Variants in BDP1 observed in about 807,000 individuals in gnomAD.
BDP1 encodes the protein transcription factor TFIIIB component B'' homolog.
A neutral mutation model predicts 266.6 loss-of-function variants in BDP1; 169 were observed. That is an observed-to-expected ratio of 0.63 (90% confidence interval 0.56 to 0.72). The LOEUF (loss-of-function observed/expected upper bound fraction) is 0.72, where lower values mean the gene tolerates loss of function less well. Among genes scored for constraint, BDP1 ranks in the 30% least tolerant of loss-of-function variants. BDP1 has a pLI of 0.00. For synonymous variants in BDP1, 1,090 were observed against 1,022.4 expected (o/e 1.07, Z -1.26); for missense variants, 3,015 against 3,053.8 (o/e 0.99, Z 0.30).
chr5:71,577,837 C>T, the BDP1 span, among the ~76,000 whole-genome samples: 8 of 152,122 alleles, frequency 5.3e-5, no homozygotes, highest in Admixed American at 1.3e-4. Flanking sequence ...TCTGTAAAAT[C>T]GGATGGACTG....
In BDP1 at chr5:71,518,835, C is replaced by CTTT. The variant is rs35834219; in HGVS notation, c.4991+1399_4991+1401dup. On this transcript the variant is annotated intron_variant, in intron 22 of 38. Coordinates refer to ENST00000358731, the MANE Select transcript of BDP1 (RefSeq NM_018429.3). Reference sequence around the variant, plus strand: ...GAAGTTTTTATTTTAGTATGGATTACTTTTTTTTTTTTTTTTTTGGAGACA... The same window carrying CTTT: ...GAAGTTTTTATTTTAGTATGGATTACTTTTTTTTTTTTTTTTTTTTTGGAGACA... 3.1e-3 allele frequency among the ~76,000 whole-genome samples: 399 copies of CTTT among 128,606 alleles called. 5 individuals are homozygous for CTTT. The highest frequency in any genetic ancestry group is 0.011 in the African/African-American group (377 of 34,522). 84.4% of individuals were successfully genotyped at this position (128,606 alleles called of 152,430 possible). A position where few individuals can be genotyped will look rare whatever the true frequency, so the allele number is the denominator to read the frequency against.
chr5:71,496,997 A>G (rs969152361), intron 12 of BDP1, among the ~76,000 whole-genome samples: 19 of 152,240 alleles, frequency 1.2e-4, no homozygotes, highest in Admixed American at 4.6e-4. Context: ...ATATACCAAA[A>G]TCATGTCTAT....
chr5:71,463,482 C>T (rs949018618), intron 3 of BDP1, among the ~76,000 whole-genome samples: 37 of 152,104 alleles, frequency 2.4e-4, no homozygotes, highest in African/African-American at 8.7e-4. Context: ...TAAGCTGCTT[C>T]ATGCCTTGGG....
chr5:71,509,915 A>G lies in BDP1; in HGVS notation c.2823A>G (p.Lys941=), dbSNP rs1764802816. 1 of 1,613,934 alleles carries G rather than the reference A, an allele frequency of 6.2e-7. No individual in the cohort carries two copies. The highest frequency in any genetic ancestry group is 1.1e-5 in the South Asian group (1 of 91,078). Reference sequence around the variant, plus strand: ...GAAGAAGAGAAATATCCCCACAGAAAAATGGCCCAGAGGAGGTTAAGCCTC... The same window carrying G: ...GAAGAAGAGAAATATCCCCACAGAAGAATGGCCCAGAGGAGGTTAAGCCTC... ...EAGRREISPQ[K]NGPEEVKPLG... is the part of the protein sequence containing the mutation. Residue 941 remains lysine (K), a synonymous_variant, in exon 17 of 39, where the codon AAA becomes AAG. Transcript: ENST00000358731.
chr5:71,548,653 G>C (rs1465854194), intron 32 of BDP1, 29 bp from the exon 33 acceptor site: 1 of 1,485,636 alleles, frequency 6.7e-7, no homozygotes, highest in South Asian at 1.2e-5. Context: ...TGGCCAACCT[G>C]ACTCTTTCAT....
At chr5:71,542,336 A>G in intron 30 of BDP1, 71 bp downstream of exon 30, 1 of 1,330,970 alleles carries the variant, frequency 7.5e-7, no homozygotes, top group Non-Finnish European at 1.0e-6. Context: ...TTTCAAAGAA[A>G]TATTTGGTCA....
chr5:71,498,960 G>GTGA (rs1764063734), intron 13 of BDP1, among the ~76,000 whole-genome samples: 1 of 151,982 alleles, frequency 6.6e-6, no homozygotes, highest in Non-Finnish European at 1.5e-5. Context: ...CTGACCTCAA[G>GTGA]TGATCCGTGT....
At chr5:71,520,284 G>A (rs1335290045) in intron 22 of BDP1, among the ~76,000 whole-genome samples, 1 of 152,046 alleles carries the variant, frequency 6.6e-6, no homozygotes, top group Non-Finnish European at 1.5e-5. Flanking sequence ...TGTTCCCTGT[G>A]CTATGCATTG....
intron 16 of BDP1, among the ~76,000 whole-genome samples, chr5:71,506,065 C>T (rs1014790817): frequency 1.3e-5 from 2 of 152,180 alleles, no homozygotes; most frequent in African/African-American, 4.8e-5. Context: ...GACTACATTG[C>T]TTGCTGCATA....
In BDP1 at chr5:71,465,114, T is replaced by G. The variant is rs201784322; in HGVS notation, c.660-982T>G. 2.0e-5 allele frequency among the ~76,000 whole-genome samples: 3 copies of G among 151,956 alleles called. No homozygotes were observed. In the East Asian group the frequency reaches 5.8e-4, roughly 29 times the overall value. On this transcript the variant is annotated intron_variant, in intron 4 of 38. Transcript: ENST00000358731. ...TTGAACTTCTAAGCTCAAGTAATCC[T>G]CTCGCCTCAGCCTCCAAAAGTACTA...
At chr5:71,489,328 T>C in intron 9 of BDP1, 76 bp from the exon 10 acceptor site, 1 of 1,089,556 alleles carries the variant, frequency 9.2e-7, no homozygotes, top group Non-Finnish European at 1.3e-6. Flanking sequence ...AGAGGACATC[T>C]TTGAGTCTCT....
At chr5:71,562,025 A>G (rs1334118278) in intron 37 of BDP1, among the ~76,000 whole-genome samples, 1 of 151,822 alleles carries the variant, frequency 6.6e-6, no homozygotes, top group African/African-American at 2.4e-5. Flanking sequence ...CAGGCAGATG[A>G]CGACGTCAGG....
intron 34 of BDP1, among the ~76,000 whole-genome samples, chr5:71,552,728 G>C (rs980864519): frequency 3.9e-5 from 6 of 152,282 alleles, no homozygotes; most frequent in African/African-American, 1.4e-4. Context: ...GCTGAGGCAG[G>C]AGAACCAGGC....
chr5:71,460,875 T>TAA lies in BDP1; in HGVS notation c.490-934_490-933dup, dbSNP rs35478361. ...CACAGAATTTCAAGTCACTACAGGG[T>TAA]AAAAAAAAAGCTGTGTAAGCATAAA... is the stretch of plus-strand genomic sequence containing the variant. On this transcript the variant is annotated intron_variant, in intron 2 of 38. Transcript: ENST00000358731. Among the ~76,000 whole-genome samples the TAA allele has an allele frequency of 1.3e-4, 19 of 151,336 alleles. 1 individual carries two copies. Among genetic ancestry groups the TAA allele is most frequent in the South Asian group, 6.3e-4 (3 of 4,798 alleles).
intron 27 of BDP1, 111 bp from the exon 28 acceptor site, chr5:71,539,446 G>A: frequency 4.0e-6 from 3 of 743,910 alleles, no homozygotes; most frequent in South Asian, 1.7e-5. Context: ...ATGGCTCAGA[G>A]GATATTGGAA....
At chr5:71,484,845 A>C (rs1433526363) in intron 8 of BDP1, among the ~76,000 whole-genome samples, 2 of 152,160 alleles carry the variant, frequency 1.3e-5, no homozygotes, top group South Asian at 2.1e-4. Context: ...TTTAGAAAAA[A>C]AAAATCCAAA....
chr5:71,523,120 C>A (rs924523361), intron 24 of BDP1, among the ~76,000 whole-genome samples, 171 bp downstream of exon 24: 1 of 152,120 alleles, frequency 6.6e-6, no homozygotes, highest in African/African-American at 2.4e-5. Flanking sequence ...GGTGCTCATT[C>A]AAATGGAGTC....
chr5:71,495,370 T>C lies in BDP1; in HGVS notation c.1761T>C (p.Cys587=). ...AGGTGAATAATGCTGAGGGTAGTTG[T>C]ATAGAAGAAAGAAATGTTGACCTAA... ...LCEVNNAEGS[C]IEERNVDLKN... The change falls in exon 12 of 39, where the codon TGT becomes TGC. Residue 587 remains cysteine, a synonymous_variant. Transcript: ENST00000358731. 1 of 1,586,714 alleles carries C rather than the reference T, an allele frequency of 6.3e-7. No homozygotes were observed. Among genetic ancestry groups the C allele is most frequent in the Non-Finnish European group, 8.6e-7 (1 of 1,165,986 alleles).
At chr5:71,495,622 A>G (rs866682304) in intron 12 of BDP1, among the ~76,000 whole-genome samples, 3 of 152,170 alleles carry the variant, frequency 2.0e-5, no homozygotes, top group Non-Finnish European at 4.4e-5. Context: ...ATTCTCTTTC[A>G]TATCTGTTAT....
Sources: allele counts gnomAD v4.1 joint callset (sites outside exome capture counted in the v4.1 genomes callset), GRCh38; gene constraint gnomAD v4.1.1; transcripts MANE v1.5; gene names NCBI Gene and HGNC (gene_info 2026-07-23, HGNC 2026-07-21).